WT1: variants seen among roughly 807,000 people sequenced by gnomAD.
WT1 encodes WT1 transcription factor, also known as Wilms tumor protein.
Under a neutral mutation model 60.8 loss-of-function variants are expected in WT1, and 8 were observed. The ratio of observed to expected loss-of-function variants is 0.13; its 90% confidence interval spans 0.08 to 0.24. The LOEUF is 0.24. Among genes scored for constraint, WT1 ranks in the 10% least tolerant of loss-of-function variants. The pLI is 1.00. For synonymous variants in WT1, 312 were observed against 297.1 expected, an observed-to-expected ratio of 1.05 and a Z score of -0.52; for missense variants, 568 against 711.8, an observed-to-expected ratio of 0.80 and a Z score of 2.30.
At chr11:32,398,830 A>G (rs1016667901) in intron 6 of WT1, among the ~76,000 whole-genome samples, 4 of 150,884 alleles carry the variant, frequency 2.7e-5, no homozygotes, top group African/African-American at 7.3e-5. Context: ...TGAAAATGCT[A>G]CATCTAGTAT....
At chr11:32,419,832 T>A (rs984967851) in intron 3 of WT1, among the ~76,000 whole-genome samples, 1 of 152,246 alleles carries the variant, frequency 6.6e-6, no homozygotes, top group African/African-American at 2.4e-5. Context: ...TAGCTGGGAC[T>A]ACAGGCATCT....
intron 5 of WT1, among the ~76,000 whole-genome samples, chr11:32,409,393 A>C (rs1018356695): frequency 1.3e-5 from 2 of 152,212 alleles, no homozygotes; most frequent in African/African-American, 4.8e-5. Flanking sequence ...GAATTAAAAT[A>C]CAAACCAGAG....
chr11:32,394,497 C>T (rs1851907855), intron 7 of WT1, among the ~76,000 whole-genome samples: 1 of 152,122 alleles, frequency 6.6e-6, no homozygotes, highest in Non-Finnish European at 1.5e-5. Flanking sequence ...TCCTAGCTCC[C>T]AAACAAACCA....
Position 32,435,413 on chromosome 11 carries a change from CTGGGTGGG to C in WT1, c.-61_-54del, listed in dbSNP as rs542898204. The C allele has an allele frequency of 2.5e-4, 30 of 119,666 alleles. No individual in the cohort carries two copies. The highest frequency in any genetic ancestry group is 3.1e-4 in the Non-Finnish European group (29 of 93,360). The allele number at this position is 119,666 out of a possible 1,614,324, so 7.4% of individuals were successfully genotyped here. On this transcript the variant is annotated 5_prime_UTR_variant, in exon 1 of 10. Transcript: ENST00000452863. ...GGGCGCCTGGGCTGCCGTCCCGGCT[CTGGGTGGG>C]TGGGTGGGTGAATGAGTAGGTGGGA...
At chr11:32,412,031 G>C (rs531610686) in intron 5 of WT1, among the ~76,000 whole-genome samples, 4 of 152,132 alleles carry the variant, frequency 2.6e-5, no homozygotes, top group Non-Finnish European at 5.9e-5. Flanking sequence ...CTCAGGCTCC[G>C]GGAGCCACTT....
At chr11:32,406,434 A>T (rs1172099181) in intron 5 of WT1, among the ~76,000 whole-genome samples, 1 of 152,094 alleles carries the variant, frequency 6.6e-6, no homozygotes. Flanking sequence ...TGTGGCTATA[A>T]ATACAGATCA....
chr11:32,419,479 A>T (rs561572237), intron 3 of WT1, among the ~76,000 whole-genome samples: 115 of 152,330 alleles, frequency 7.5e-4, no homozygotes, highest in African/African-American at 2.7e-3. Context: ...CCCTTTGGGG[A>T]TATGGGATCT....
At chr11:32,417,463 A>T in intron 4 of WT1, 114 bp downstream of exon 4, 2 of 937,878 alleles carry the variant, frequency 2.1e-6, no homozygotes, top group Admixed American at 2.0e-5. Context: ...TGTCACAGAG[A>T]GCTTTGCCCT....
In WT1 at chr11:32,401,505, C is replaced by CG. The variant is rs5030252; in HGVS notation, c.1017-1462dup. 5.7e-3 allele frequency among the ~76,000 whole-genome samples: 829 copies of CG among 146,714 alleles called. 5 individuals carry two copies. The highest frequency in any genetic ancestry group is 0.011 in the Middle Eastern group (3 of 282). ...TATAAATCTGCTTTTAAAAAATTATCGGGGGGGGGTGTGGTCCGAGAAGGA... is the reference window on the plus strand; with the variant it reads ...TATAAATCTGCTTTTAAAAAATTATCGGGGGGGGGGTGTGGTCCGAGAAGGA... On this transcript the variant is annotated intron_variant, in intron 5 of 9. Coordinates refer to ENST00000452863, the MANE Select transcript of WT1 (RefSeq NM_024426.6).
rs189067968 is a variant in WT1, at chr11:32,395,633, T to C, written c.1264+624A>G. Among the ~76,000 whole-genome samples the C allele has an allele frequency of 7.3e-3, 1,110 of 152,216 alleles. 6 individuals carry two copies. Among genetic ancestry groups the C allele is most frequent in the Middle Eastern group, 0.037 (11 of 294 alleles). On this transcript the variant is annotated intron_variant, in intron 7 of 9. Coordinates refer to ENST00000452863, the MANE Select transcript of WT1 (RefSeq NM_024426.6). ...CGTGCCACCACACCCGGCTCATTTTTGTATTTTTAGTAGAGACGGGGTTTC... is the reference window on the plus strand; with the variant it reads ...CGTGCCACCACACCCGGCTCATTTTCGTATTTTTAGTAGAGACGGGGTTTC...
chr11:32,396,147 C>T (rs562613897), intron 7 of WT1, 110 bp downstream of exon 7: 14 of 1,486,668 alleles, frequency 9.4e-6, no homozygotes, highest in Non-Finnish European at 1.3e-5. Flanking sequence ...CCTTTCAAAG[C>T]AGTGCTTACT....
At chr11:32,420,546 A>T in intron 3 of WT1, among the ~76,000 whole-genome samples, 1 of 152,166 alleles carries the variant, frequency 6.6e-6, no homozygotes, top group East Asian at 1.9e-4. Context: ...GGCAGATGTA[A>T]TTCTGAGTCC....
chr11:32,397,095 C>G (rs1473180321), intron 6 of WT1, among the ~76,000 whole-genome samples: 1 of 152,198 alleles, frequency 6.6e-6, no homozygotes, highest in Non-Finnish European at 1.5e-5. Context: ...TGTTGCTCCC[C>G]TTTATCTTGT....
At chr11:32,428,854 C>T (rs1003568594) in intron 1 of WT1, 1 of 609,880 alleles carries the variant, frequency 1.6e-6, no homozygotes, top group African/African-American at 1.8e-5. Flanking sequence ...ACCCCCACCT[C>T]GCTTTTTCCC....
chr11:32,405,968 C>T (rs920971384), intron 5 of WT1, among the ~76,000 whole-genome samples: 9 of 152,200 alleles, frequency 5.9e-5, no homozygotes, highest in African/African-American at 2.2e-4. Flanking sequence ...ACTTGAACGA[C>T]TCCCAGCTCT....
intron 1 of WT1, among the ~76,000 whole-genome samples, chr11:32,429,473 C>G (rs1035525866): frequency 2.1e-5 from 3 of 146,054 alleles, no homozygotes; most frequent in East Asian, 2.1e-4. Context: ...CCCCCCCCCC[C>G]CCAAAGTGAG....
At chr11:32,425,271 C>CA (rs1852994664) in intron 3 of WT1, among the ~76,000 whole-genome samples, 1 of 151,028 alleles carries the variant, frequency 6.6e-6, no homozygotes, top group African/African-American at 2.4e-5. Flanking sequence ...GGGTCAAATG[C>CA]AACAAGGCAA....
intron 5 of WT1, among the ~76,000 whole-genome samples, chr11:32,404,772 A>G (rs1852259349): frequency 6.6e-6 from 1 of 152,176 alleles, no homozygotes; most frequent in Admixed American, 6.5e-5. Flanking sequence ...TGGTAATTCT[A>G]CCCAAAAAGA....
At chr11:32,406,821 G>A (rs1267253795) in intron 5 of WT1, among the ~76,000 whole-genome samples, 2 of 152,092 alleles carry the variant, frequency 1.3e-5, no homozygotes, top group Middle Eastern at 3.2e-3. Flanking sequence ...AAACACGGCC[G>A]GGTGCAGTGG....
Sources: gnomAD v4.1 joint callset for allele counts (sites outside exome capture counted in the v4.1 genomes callset) on GRCh38, gnomAD v4.1.1 for gene constraint, MANE v1.5 for transcripts, NCBI Gene and HGNC (gene_info 2026-07-23, HGNC 2026-07-21) for gene names.